LRP1B: variants seen among roughly 807,000 people sequenced by gnomAD.
LRP1B encodes low-density lipoprotein receptor-related protein 1B.
Under a neutral mutation model 556.6 loss-of-function variants are expected in LRP1B, and 217 were observed. The ratio of observed to expected loss-of-function variants is 0.39; its 90% CI spans 0.35 to 0.44. The LOEUF is 0.44. Ranked by LOEUF, LRP1B falls within the 20% of genes least tolerant of loss-of-function variation. The probability of loss-of-function intolerance (pLI) is 1.00; values close to 1 mark genes in which losing one functional copy is unlikely to be tolerated. For synonymous variants in LRP1B, 2,047 were observed against 1,865.8 expected (o/e 1.10, Z -2.50); for missense variants, 5,053 against 5,620.8 (o/e 0.90, Z 3.23).
chr2:140,485,060 G>T (rs1327002581), intron 59 of LRP1B, among the ~76,000 whole-genome samples: 1 of 152,056 alleles, frequency 6.6e-6, no homozygotes, highest in Non-Finnish European at 1.5e-5. Context: ...TTAAATCAGT[G>T]AAATCTGTAT....
intron 2 of LRP1B, among the ~76,000 whole-genome samples, chr2:141,516,691 TC>T (rs1292475463): frequency 2.8e-5 from 1 of 36,108 alleles, no homozygotes; most frequent in Non-Finnish European, 7.4e-5. Flanking sequence ...TCTCTCTCTC[TC>T]TTTTTTTTTT....
chr2:142,025,134 G>C (rs1703463118), intron 1 of LRP1B, among the ~76,000 whole-genome samples: 1 of 151,596 alleles, frequency 6.6e-6, no homozygotes, highest in Non-Finnish European at 1.5e-5. Context: ...TGATTATCTT[G>C]TCATCTAACT....
intron 3 of LRP1B, among the ~76,000 whole-genome samples, chr2:141,393,958 T>G (rs1298862988): frequency 6.6e-6 from 1 of 152,176 alleles, no homozygotes; most frequent in African/African-American, 2.4e-5. Context: ...TCTTATTTGA[T>G]ATACCTAATC....
At chr2:141,374,497 G>A (rs935430778) in intron 3 of LRP1B, among the ~76,000 whole-genome samples, 4 of 151,914 alleles carry the variant, frequency 2.6e-5, no homozygotes, top group African/African-American at 4.8e-5. Context: ...TCTTGCTGCC[G>A]GGAATACCAA....
intron 6 of LRP1B, among the ~76,000 whole-genome samples, chr2:141,200,644 C>T (rs1043353489): frequency 1.3e-5 from 2 of 152,060 alleles, no homozygotes; most frequent in East Asian, 1.9e-4. Context: ...CGCATACACA[C>T]GCGGTGACTC....
At chr2:141,464,606 A>ATATTTTT in intron 3 of LRP1B, among the ~76,000 whole-genome samples, 8 of 90,540 alleles carry the variant, frequency 8.8e-5, no homozygotes, top group African/African-American at 3.4e-4. Context: ...ATATATATAT[A>ATATTTTT]TTTTTTTAGT....
At chr2:140,948,710 G>T (rs1695615249) in intron 20 of LRP1B, among the ~76,000 whole-genome samples, 1 of 152,178 alleles carries the variant, frequency 6.6e-6, no homozygotes, top group Non-Finnish European at 1.5e-5. Flanking sequence ...CAGGAATCAT[G>T]TCAAGACCAT....
At chr2:141,612,802 T>C (rs1479839263) in intron 2 of LRP1B, among the ~76,000 whole-genome samples, 4 of 152,126 alleles carry the variant, frequency 2.6e-5, no homozygotes, top group African/African-American at 9.7e-5. Context: ...ATCTTCACCT[T>C]GTATTAAGTA....
intron 66 of LRP1B, among the ~76,000 whole-genome samples, chr2:140,394,123 TA>T (rs147936209): frequency 4.8e-4 from 63 of 130,440 alleles, no homozygotes; most frequent in Non-Finnish European, 7.6e-4. Flanking sequence ...TACTGGCACA[TA>T]TTTTTTTTTT....
intron 3 of LRP1B, among the ~76,000 whole-genome samples, chr2:141,270,047 C>T (rs1417189829): frequency 6.6e-6 from 1 of 151,894 alleles, no homozygotes; most frequent in Non-Finnish European, 1.5e-5. Flanking sequence ...AAATCATACA[C>T]AATAAGGAAT....
rs559505316 is a variant in LRP1B at position 141,990,855 on chromosome 2, C to G, written c.82+139793G>C. ...ACCAAAATTTCTTTTAATAATAGCA[C>G]ATTTTAGACTAAGATAGCTGTAATT... On this transcript the variant is annotated intron_variant, in intron 1 of 90. Transcript: ENST00000389484. Among the ~76,000 whole-genome samples, 83 of 152,084 alleles carry G rather than the reference C, an allele frequency of 5.5e-4. 1 individual carries two copies. Among genetic ancestry groups the G allele is most frequent in the Admixed American group, 5.4e-3 (83 of 15,234 alleles).
At chr2:141,948,635 CAATT>C (rs1457634945) in intron 1 of LRP1B, among the ~76,000 whole-genome samples, 4 of 151,522 alleles carry the variant, frequency 2.6e-5, no homozygotes, top group Non-Finnish European at 5.9e-5. Context: ...GCATTGAAGC[CAATT>C]AATTAATGAT....
intron 11 of LRP1B, among the ~76,000 whole-genome samples, chr2:141,042,601 G>T (rs979170443): frequency 6.6e-6 from 1 of 152,028 alleles, no homozygotes; most frequent in Admixed American, 6.6e-5. Flanking sequence ...ATGTAACTTT[G>T]AGAAAAGACT....
At chr2:140,241,630 T>C (rs902268049) in intron 87 of LRP1B, among the ~76,000 whole-genome samples, 2 of 150,842 alleles carry the variant, frequency 1.3e-5, no homozygotes, top group African/African-American at 4.8e-5. Context: ...AGACTTCTGA[T>C]ATGTTTATGT....
chr2:140,675,822 G>A (rs1454688996), intron 41 of LRP1B, among the ~76,000 whole-genome samples: 2 of 152,070 alleles, frequency 1.3e-5, no homozygotes, highest in Non-Finnish European at 2.9e-5. Context: ...ATGTGTGTGT[G>A]CATACACATA....
chr2:141,010,444 G>T (rs1011640656), intron 14 of LRP1B, among the ~76,000 whole-genome samples: 2 of 151,908 alleles, frequency 1.3e-5, no homozygotes, highest in African/African-American at 4.8e-5. Context: ...CCTAGAGGTA[G>T]CTTTCTGTTT....
chr2:142,087,787 A>C (rs1406486591), intron 1 of LRP1B, among the ~76,000 whole-genome samples: 2 of 152,070 alleles, frequency 1.3e-5, no homozygotes, highest in Non-Finnish European at 2.9e-5. Context: ...AAGAACAGAT[A>C]ATTCTGTTTC....
chr2:141,387,834 A>T (rs1215198153), intron 3 of LRP1B, among the ~76,000 whole-genome samples: 1 of 152,168 alleles, frequency 6.6e-6, no homozygotes, highest in Non-Finnish European at 1.5e-5. Flanking sequence ...TCCTAACACC[A>T]AAGGGAAGAA....
chr2:141,188,550 C>T lies in LRP1B; in HGVS notation c.884G>A (p.Arg295Gln), dbSNP rs776305678. 36 of 1,612,358 alleles carry T rather than the reference C, an allele frequency of 2.2e-5. No homozygotes were observed. The highest frequency in any genetic ancestry group is 1.6e-4 in the Middle Eastern group (1 of 6,074). ...VQQMAIDWLTRNLYFVDHVGD... is the reference protein window; with the variant it reads ...VQQMAIDWLTQNLYFVDHVGD... ...GACATGGTCCACAAAATAGAGATTTCGAGTGAGCCAGTCAATCGCCATTTG... is the reference window on the plus strand; with the variant it reads ...GACATGGTCCACAAAATAGAGATTTTGAGTGAGCCAGTCAATCGCCATTTG... The change falls in exon 7 of 91, where the codon CGA becomes CAA. Residue 295 changes from arginine (R) to glutamine (Q), a missense_variant. Arg to Gln is a conservative substitution (Grantham distance 43). This residue lies in a region of LRP1B where 3,619 missense variants were observed against 3,931.9 expected (regional missense o/e 0.92). Coordinates refer to ENST00000389484, the MANE Select transcript of LRP1B (RefSeq NM_018557.3).
Sources: allele counts gnomAD v4.1 joint callset (sites outside exome capture counted in the v4.1 genomes callset), GRCh38; gene constraint gnomAD v4.1.1; regional missense constraint gnomAD v4.1.1; transcripts MANE v1.5; gene names NCBI Gene and HGNC (gene_info 2026-07-23, HGNC 2026-07-21).